Variants in WWOX observed in about 807,000 individuals in gnomAD.
The protein encoded by WWOX is WW domain-containing oxidoreductase.
In WWOX, 69 loss-of-function variants were observed where a neutral mutation model predicts 46.2. That is an observed-to-expected ratio of 1.49 (90% CI 1.23 to 1.82). WWOX has a LOEUF of 1.82. Ranked by LOEUF, WWOX falls within the 40% of genes most tolerant of loss-of-function variation. The pLI, the probability that WWOX is intolerant of heterozygous loss-of-function variation, is 0.00. For missense variants in WWOX, 919 were observed against 542.6 expected, an observed-to-expected ratio of 1.69 and a Z score of -6.89; for synonymous variants, 359 against 202.6, an observed-to-expected ratio of 1.77 and a Z score of -6.56.
intron 8 of WWOX, among the ~76,000 whole-genome samples, chr16:78,447,484 G>A (rs1198480344): frequency 6.6e-6 from 1 of 152,166 alleles, no homozygotes; most frequent in African/African-American, 2.4e-5. Context: ...CAAGTGACAG[G>A]GATGGAATTG....
intron 8 of WWOX, among the ~76,000 whole-genome samples, chr16:79,037,994 C>T (rs1290494573): frequency 1.3e-5 from 2 of 152,090 alleles, no homozygotes; most frequent in Non-Finnish European, 1.5e-5. Flanking sequence ...AGCTCGTTAA[C>T]ACATGATGGC....
At chr16:79,203,037 C>A (rs1426305824) in intron 8 of WWOX, 3 of 152,194 alleles carry the variant, frequency 2.0e-5, no homozygotes, top group Non-Finnish European at 4.4e-5. Flanking sequence ...AAAATGCTCA[C>A]TAACACCGAG....
intron 8 of WWOX, among the ~76,000 whole-genome samples, chr16:78,870,728 A>G (rs1357906316): frequency 1.3e-5 from 2 of 152,158 alleles, no homozygotes; most frequent in Non-Finnish European, 1.5e-5. Context: ...CAGTCTCCCA[A>G]GTAGCTGGGA....
At chr16:78,261,717 G>T (rs952121292) in intron 5 of WWOX, among the ~76,000 whole-genome samples, 44 of 146,884 alleles carry the variant, frequency 3.0e-4, no homozygotes, top group African/African-American at 9.4e-4. Flanking sequence ...AAAACATGTT[G>T]TATGTGGGCC....
chr16:78,930,534 G>T (rs561445836), intron 8 of WWOX, among the ~76,000 whole-genome samples: 8 of 138,744 alleles, frequency 5.8e-5, no homozygotes, highest in African/African-American at 1.9e-4. Context: ...CAAGTGATCC[G>T]CCAGCCTCAG....
chr16:78,954,127 G>T (rs2046117621), intron 8 of WWOX, among the ~76,000 whole-genome samples: 1 of 152,092 alleles, frequency 6.6e-6, no homozygotes. Context: ...AAATTGTTAA[G>T]ATCTGCCATA....
intron 6 of WWOX, among the ~76,000 whole-genome samples, chr16:78,411,062 A>C (rs2082669042): frequency 6.6e-6 from 1 of 152,178 alleles, no homozygotes; most frequent in African/African-American, 2.4e-5. Flanking sequence ...AACAGGAGTG[A>C]TACAGAAGCC....
intron 5 of WWOX, among the ~76,000 whole-genome samples, chr16:78,200,162 A>G (rs1383575921): frequency 6.6e-6 from 1 of 152,114 alleles, no homozygotes; most frequent in Non-Finnish European, 1.5e-5. Context: ...GTAAAACTGG[A>G]AGGAGCAATG....
chr16:78,578,378 C>T (rs1364532200), intron 8 of WWOX, among the ~76,000 whole-genome samples: 1 of 145,410 alleles, frequency 6.9e-6, no homozygotes, highest in Non-Finnish European at 1.5e-5. Context: ...CAAGCTCCGC[C>T]TCCCGGGTTC....
chr16:79,126,925 G>A, intron 8 of WWOX, among the ~76,000 whole-genome samples: 1 of 152,056 alleles, frequency 6.6e-6, no homozygotes. Flanking sequence ...AGGAGAGAGT[G>A]GGAAGTAATT....
At chr16:78,393,012 G>T (rs2082209532) in intron 6 of WWOX, among the ~76,000 whole-genome samples, 1 of 152,082 alleles carries the variant, frequency 6.6e-6, no homozygotes, top group African/African-American at 2.4e-5. Context: ...ATTATTTTGG[G>T]CATTACTGGA....
chr16:78,723,007 A>G lies in WWOX; in HGVS notation c.1056+290255A>G, dbSNP rs572402098. 2.0e-5 allele frequency among the ~76,000 whole-genome samples: 3 copies of G among 152,198 alleles called. No individual in the cohort carries two copies. The East Asian group carries it at 5.8e-4, about 30-fold the overall frequency. ...CAGTGAGCCATGATCACACTGGAGC[A>G]CTCCAGCCTGGGTGACAGAGCAAGA... On this transcript the variant is annotated intron_variant, in intron 8 of 8. Coordinates refer to ENST00000566780, the MANE Select transcript of WWOX (RefSeq NM_016373.4).
At chr16:78,822,931 GAA>G (rs1175612190) in intron 8 of WWOX, among the ~76,000 whole-genome samples, 1 of 142,434 alleles carries the variant, frequency 7.0e-6, no homozygotes, top group African/African-American at 2.6e-5. Context: ...AAAACTAAAA[GAA>G]AAAAAAAAAG....
chr16:78,128,187 C>CT (rs568825040), intron 4 of WWOX, among the ~76,000 whole-genome samples: 512 of 146,908 alleles, frequency 3.5e-3, no homozygotes, highest in East Asian at 0.015. Context: ...GAGCTCTTGA[C>CT]TTTTTTTTTT....
chr16:78,291,374 C>A (rs1372472087), intron 5 of WWOX, among the ~76,000 whole-genome samples: 1 of 152,136 alleles, frequency 6.6e-6, no homozygotes, highest in Non-Finnish European at 1.5e-5. Flanking sequence ...ATTGGCTGAA[C>A]ATGTTCTATA....
intron 8 of WWOX, among the ~76,000 whole-genome samples, chr16:78,992,290 C>T (rs967230944): frequency 1.8e-5 from 2 of 109,262 alleles, no homozygotes; most frequent in African/African-American, 3.5e-5. Context: ...CTGCGAATCC[C>T]GGTCTCTACT....
rs140716108 is a variant in WWOX at position 78,770,315 on chromosome 16, T to C, written c.1056+337563T>C. Among the ~76,000 whole-genome samples the C allele has an allele frequency of 3.6e-3, 555 of 152,178 alleles. 6 individuals carry two copies. Among genetic ancestry groups the C allele is most frequent in the South Asian group, 0.017 (84 of 4,818 alleles). Reference sequence around the variant, plus strand: ...GCAGTGAGCTTAGATTGCACCACTGTACTCCAGCCTGGGCCATAGAGTGAG... The same window carrying C: ...GCAGTGAGCTTAGATTGCACCACTGCACTCCAGCCTGGGCCATAGAGTGAG... On this transcript the variant is annotated intron_variant, in intron 8 of 8. Coordinates refer to ENST00000566780, the MANE Select transcript of WWOX (RefSeq NM_016373.4).
chr16:78,583,279 C>G (rs905099295), intron 8 of WWOX, among the ~76,000 whole-genome samples: 1 of 152,092 alleles, frequency 6.6e-6, no homozygotes, highest in Non-Finnish European at 1.5e-5. Flanking sequence ...TTCTCTTGGC[C>G]CTCCTTAGAG....
chr16:78,376,142 G>A (rs981123556), intron 5 of WWOX, among the ~76,000 whole-genome samples: 2 of 152,082 alleles, frequency 1.3e-5, no homozygotes, highest in African/African-American at 4.8e-5. Flanking sequence ...GAGCCACCAC[G>A]CCCAGCCGCT....
Sources: gnomAD v4.1 joint callset for allele counts (sites outside exome capture counted in the v4.1 genomes callset) on GRCh38, gnomAD v4.1.1 for gene constraint, MANE v1.5 for transcripts, NCBI Gene and HGNC (gene_info 2026-07-23, HGNC 2026-07-21) for gene names.